The following KMT2E variants were observed in gnomAD, a reference collection of about 807,000 sequenced individuals.
The protein encoded by KMT2E is lysine methyltransferase 2E (inactive).
A neutral mutation model predicts 184.6 loss-of-function variants in KMT2E; 30 were observed. The ratio of observed to expected loss-of-function variants is 0.16; its 90% CI spans 0.12 to 0.22. The LOEUF (loss-of-function observed/expected upper bound fraction) is 0.22. Among genes scored for constraint, KMT2E ranks in the 10% least tolerant of loss-of-function variants. The probability of loss-of-function intolerance (pLI) is 1.00; values close to 1 mark genes in which losing one functional copy is unlikely to be tolerated. For synonymous variants in KMT2E, 815 were observed against 776.5 expected (o/e 1.05, Z -0.82); for missense variants, 2,023 against 2,237.4 (o/e 0.90, Z 1.93).
intron 3 of KMT2E, among the ~76,000 whole-genome samples, chr7:105,060,775 T>A (rs1312761288): frequency 6.6e-6 from 1 of 152,142 alleles, no homozygotes; most frequent in Non-Finnish European, 1.5e-5. Flanking sequence ...TACAGAATAC[T>A]TAGCATTGTG....
chr7:105,031,119 G>A (rs764671289), intron 1 of KMT2E, among the ~76,000 whole-genome samples: 1 of 152,004 alleles, frequency 6.6e-6, no homozygotes, highest in African/African-American at 2.4e-5. Context: ...CACCTTGGGA[G>A]GCCAAGGTGG....
At chr7:105,085,265 C>T (rs763694759) in intron 13 of KMT2E, among the ~76,000 whole-genome samples, 1 of 152,096 alleles carries the variant, frequency 6.6e-6, no homozygotes, top group Non-Finnish European at 1.5e-5. Flanking sequence ...ATACAAACAC[C>T]CAGCCAGGTG....
At position 105,112,560 on chromosome 7, in the gene KMT2E, C is replaced by A. The variant is rs1184399197; in HGVS notation, c.4804C>A (p.His1602Asn). The A allele has an allele frequency of 6.2e-7, 1 of 1,613,940 alleles. No homozygotes were observed. The highest frequency in any genetic ancestry group is 1.3e-5 in the African/African-American group (1 of 74,860). Residue 1602 changes from histidine (H) to asparagine (N), a missense_variant, in exon 27 of 27, where the codon CAC becomes AAC. Physicochemically the swap from His to Asn is moderately conservative, Grantham distance 68. Around this residue, in one of 8 missense-constraint regions of KMT2E, gnomAD observed 1,108 missense variants for 1,050.9 expected, o/e 1.05. Coordinates refer to ENST00000311117, the MANE Select transcript of KMT2E (RefSeq NM_182931.3). ...GTTSQQTVPG[H>N]HVTPGHFLPS... ...CACAAGCCAGCAAACAGTTCCAGGA[C>A]ACCACGTGACTCCAGGGCATTTTTT...
intron 12 of KMT2E, among the ~76,000 whole-genome samples, chr7:105,079,845 ATT>A (rs1050993792): frequency 2.0e-5 from 3 of 148,794 alleles, no homozygotes. Context: ...TATTATTATT[ATT>A]ATTATTATTT....
At chr7:105,052,191 A>G (rs1054246614) in intron 3 of KMT2E, among the ~76,000 whole-genome samples, 7 of 151,932 alleles carry the variant, frequency 4.6e-5, no homozygotes, top group Admixed American at 1.3e-4. Context: ...TATTACTTCC[A>G]TATTGATTTT....
chr7:105,107,768 C>T lies in KMT2E; in HGVS notation c.3311C>T (p.Ser1104Leu), dbSNP rs779476365. The T allele has an allele frequency of 1.2e-6, 2 of 1,613,966 alleles. No individual in the cohort carries two copies. The highest frequency in any genetic ancestry group is 1.3e-5 in the African/African-American group (1 of 74,892). The change falls in exon 22 of 27, where the codon TCA (serine) becomes TTA (leucine). Residue 1104 changes from serine (S) to leucine (L), a missense_variant. Around this residue, in one of 8 missense-constraint regions of KMT2E, gnomAD observed 1,108 missense variants for 1,050.9 expected, o/e 1.05. Transcript: ENST00000311117. ...EVGGGFRISE[S>L]KCLMQDDTRG... ...GGAGGAGGCTTCCGAATAAGTGAGT[C>T]AAAGTGCCTGATGCAGGATGATACT...
intron 20 of KMT2E, among the ~76,000 whole-genome samples, 167 bp downstream of exon 20, chr7:105,106,939 T>G (rs1451801190): frequency 2.0e-5 from 3 of 152,188 alleles, no homozygotes; most frequent in Non-Finnish European, 4.4e-5. Context: ...GATGTTTTTA[T>G]TTTTACTAAA....
intron 2 of KMT2E, chr7:105,038,448 T>A (rs1226341466): frequency 6.6e-6 from 1 of 152,142 alleles, no homozygotes; most frequent in Admixed American, 6.6e-5. Flanking sequence ...CTGCAGCCTC[T>A]GACTCCCTAG....
In KMT2E at chr7:105,078,873, T is replaced by C; in HGVS notation, c.1158T>C (p.Ser386=). The C allele has an allele frequency of 6.2e-7, 1 of 1,602,914 alleles. No homozygotes were observed. The highest frequency in any genetic ancestry group is 8.5e-7 in the Non-Finnish European group (1 of 1,170,194). The change falls in exon 12 of 27, where the codon TCT becomes TCC. Residue 386 remains serine (S), a synonymous_variant. Transcript: ENST00000311117. ...CATACCCTTTTGTGTTATTCTACTC[T>C]AAATTTCATGGGCTAGAAATGTGTG... ...KRPYPFVLFY[S]KFHGLEMCVD...
chr7:105,101,365 A>G (rs1798649589), intron 15 of KMT2E, 60 bp from the exon 16 acceptor site: 2 of 1,157,266 alleles, frequency 1.7e-6, no homozygotes, highest in Non-Finnish European at 2.4e-6. Context: ...AAACATTTGG[A>G]CTTAATTTTA....
intron 1 of KMT2E, among the ~76,000 whole-genome samples, chr7:105,020,330 C>G (rs139663342): frequency 0.034 from 5,155 of 152,122 alleles, 318 homozygotes; most frequent in African/African-American, 0.12. Context: ...GTGGCTCACG[C>G]TTGTAATCCC....
chr7:105,079,075 G>A, intron 12 of KMT2E, 112 bp downstream of exon 12: 1 of 614,626 alleles, frequency 1.6e-6, no homozygotes, highest in Non-Finnish European at 3.0e-6. Context: ...ACCTGTTGGT[G>A]CATTTTATAC....
chr7:105,033,070 A>T (rs1354126866), intron 1 of KMT2E, among the ~76,000 whole-genome samples: 1 of 152,220 alleles, frequency 6.6e-6, no homozygotes, highest in African/African-American at 2.4e-5. Context: ...CATGAAGTAC[A>T]AATGCCTACT....
chr7:105,076,172 T>G, intron 9 of KMT2E, 91 bp downstream of exon 9: 1 of 894,154 alleles, frequency 1.1e-6, no homozygotes, highest in Non-Finnish European at 1.8e-6. Flanking sequence ...TAATGCTCTG[T>G]TTATTGTGTG....
At position 105,113,006 on chromosome 7, in the gene KMT2E, T is replaced by G; in HGVS notation, c.5250T>G (p.Phe1750Leu). 6.2e-7 allele frequency: 1 copy of G among 1,614,046 alleles called. No individual in the cohort carries two copies. Among genetic ancestry groups the G allele is most frequent in the Non-Finnish European group, 8.5e-7 (1 of 1,180,012 alleles). ...CACCTCATCAAGGACCTCCACTTTT[T>G]CCTTCGAGTGCTCATCCAACTGTAC... ...HHPPHQGPPL[F>L]PSSAHPTVPP... The change falls in exon 27 of 27, where the codon TTT becomes TTG. Residue 1750 changes from phenylalanine to leucine, a missense_variant. Coordinates refer to ENST00000311117, the MANE Select transcript of KMT2E (RefSeq NM_182931.3).
At chr7:105,082,713 C>G (rs1285014275) in intron 13 of KMT2E, among the ~76,000 whole-genome samples, 5 of 152,048 alleles carry the variant, frequency 3.3e-5, no homozygotes, top group Non-Finnish European at 7.4e-5. Flanking sequence ...GTAATTTCTG[C>G]CTGGCTTTTT....
Position 105,107,570 on chromosome 7 carries a change from C to T in KMT2E, c.3113C>T (p.Thr1038Ile). Residue 1038 changes from threonine (T) to isoleucine (I), a missense_variant, in exon 22 of 27, where the codon ACC becomes ATC. This residue lies in a region of KMT2E where 1,108 missense variants were observed against 1,050.9 expected (regional missense o/e 1.05). Transcript: ENST00000311117. ...DAVEPTALHK[T>I]LETPAHDRAE... ...GTTGAGCCAACTGCCCTACATAAAA[C>T]CCTGGAAACGCCTGCACATGACAGG... 3 of 1,614,064 alleles carry T rather than the reference C, an allele frequency of 1.9e-6. No individual in the cohort carries two copies. Among genetic ancestry groups the T allele is most frequent in the Non-Finnish European group, 2.5e-6 (3 of 1,179,988 alleles).
At chr7:105,097,668 G>A (rs1166789481) in intron 15 of KMT2E, among the ~76,000 whole-genome samples, 1 of 152,138 alleles carries the variant, frequency 6.6e-6, no homozygotes, top group African/African-American at 2.4e-5. Flanking sequence ...GATTACACGC[G>A]TGAGCCACTG....
chr7:105,089,203 TTTTG>T (rs1056597356), intron 13 of KMT2E: 1 of 404,648 alleles, frequency 2.5e-6, no homozygotes, highest in African/African-American at 2.2e-5. Flanking sequence ...CCTAAACTTT[TTTTG>T]TTTTTTTTCT....
Sources: gnomAD v4.1 joint callset for allele counts (sites outside exome capture counted in the v4.1 genomes callset) on GRCh38, gnomAD v4.1.1 for gene constraint, gnomAD v4.1.1 regional missense constraint, MANE v1.5 for transcripts, NCBI Gene and HGNC (gene_info 2026-07-23, HGNC 2026-07-21) for gene names.